C11orf65: variants seen among roughly 807,000 people sequenced by gnomAD.
C11orf65 encodes protein MFI.
In C11orf65, 38 loss-of-function variants were observed where a neutral mutation model predicts 35.3. The ratio of observed to expected loss-of-function variants is 1.08; its 90% confidence interval spans 0.83 to 1.41. The LOEUF (loss-of-function observed/expected upper bound fraction) is 1.41, where lower values mean the gene tolerates loss of function less well. Among genes scored for constraint, C11orf65 ranks in the 40% most tolerant of loss-of-function variants. The probability of loss-of-function intolerance (pLI) is 0.00; values close to 1 mark genes in which losing one functional copy is unlikely to be tolerated. For missense variants in C11orf65, 370 were observed against 367.1 expected (o/e 1.01, Z -0.06); for synonymous variants, 105 against 114.4 (o/e 0.92, Z 0.53).
At chr11:108,374,745 T>A (rs1286563444) in intron 2 of C11orf65, among the ~76,000 whole-genome samples, 1 of 151,716 alleles carries the variant, frequency 6.6e-6, no homozygotes, top group Admixed American at 6.6e-5. Flanking sequence ...TTGAAAAAAA[T>A]TTAGACAAAT....
downstream of C11orf65, chr11:108,331,285 A>G: frequency 1.4e-6 from 2 of 1,385,302 alleles, no homozygotes; most frequent in Admixed American, 3.1e-5. Flanking sequence ...AAAGACCTTC[A>G]GATAAGAAAA....
chr11:108,336,039 A>C (rs2086816036), intron 2 of C11orf65: 2 of 1,102,326 alleles, frequency 1.8e-6, no homozygotes, highest in Non-Finnish European at 2.7e-6. Context: ...GCTCATGCCC[A>C]TATTCATAAT....
At chr11:108,451,425 A>T (rs1440727874) in intron 2 of C11orf65, among the ~76,000 whole-genome samples, 2 of 152,028 alleles carry the variant, frequency 1.3e-5, no homozygotes, top group African/African-American at 4.8e-5. Flanking sequence ...AGAGAATAAA[A>T]TATCTAGGAA....
chr11:108,446,364 G>A (rs1241470777), intron 2 of C11orf65, among the ~76,000 whole-genome samples: 5 of 151,574 alleles, frequency 3.3e-5, no homozygotes, highest in Non-Finnish European at 5.9e-5. Context: ...AGGAAAAAAT[G>A]TTAAGGGCAG....
chr11:108,333,782 G>C (rs2086529066), intron 3 of C11orf65: 3 of 929,880 alleles, frequency 3.2e-6, no homozygotes, highest in Admixed American at 3.4e-5. Flanking sequence ...CTGAACCACA[G>C]ATTAGCAACA....
chr11:108,319,290 G>A (rs572956549), intron 6 of C11orf65, among the ~76,000 whole-genome samples: 1 of 152,200 alleles, frequency 6.6e-6, no homozygotes, highest in African/African-American at 2.4e-5. Flanking sequence ...GTTGATTCTT[G>A]CTTGCCTCTG....
intron 8 of C11orf65, among the ~76,000 whole-genome samples, chr11:108,385,584 A>G (rs891728598): frequency 1.3e-5 from 2 of 152,030 alleles, no homozygotes; most frequent in African/African-American, 4.8e-5. Context: ...TGGGAGGCTC[A>G]GGCAGGAGAA....
chr11:108,337,810 T>C (rs891540806), intron 2 of C11orf65, among the ~76,000 whole-genome samples: 2 of 152,200 alleles, frequency 1.3e-5, no homozygotes, highest in African/African-American at 2.4e-5. Flanking sequence ...ACAAAGATAA[T>C]AGGTGAAGAA....
At chr11:108,462,851 G>A (rs772161371) in intron 1 of C11orf65, among the ~76,000 whole-genome samples, 3 of 152,204 alleles carry the variant, frequency 2.0e-5, no homozygotes, top group Admixed American at 1.3e-4. Flanking sequence ...TGAATATAGT[G>A]ACTCATGCCT....
chr11:108,358,070 C>G (rs1224712661), intron 2 of C11orf65, among the ~76,000 whole-genome samples: 1 of 148,434 alleles, frequency 6.7e-6, no homozygotes, highest in Non-Finnish European at 1.5e-5. Context: ...GAATGTATAA[C>G]TAGAATAACC....
chr11:108,365,305 C>CT lies in C11orf65; in HGVS notation c.226+27902dup, dbSNP rs2137900748. The CT allele has an allele frequency of 6.2e-7, 1 of 1,614,134 alleles. No homozygotes were observed. Among genetic ancestry groups the CT allele is most frequent in the Non-Finnish European group, 8.5e-7 (1 of 1,180,012 alleles). ...TTTAAACTGTTCACCTCACTGAAAC[C>CT]TTTGTGTTTTTGTCCTTAGTGATAT... On this transcript the variant is annotated intron_variant, in intron 2 of 3. Transcript: ENST00000524755.
At chr11:108,450,860 A>T (rs1446149924) in intron 2 of C11orf65, among the ~76,000 whole-genome samples, 2 of 152,006 alleles carry the variant, frequency 1.3e-5, no homozygotes, top group African/African-American at 2.4e-5. Context: ...AACGTACACA[A>T]ATCAATAAAT....
intron 2 of C11orf65, among the ~76,000 whole-genome samples, chr11:108,450,769 T>C: frequency 6.6e-6 from 1 of 151,566 alleles, no homozygotes; most frequent in South Asian, 2.1e-4. Flanking sequence ...AAACTTAAAG[T>C]ATAATAATAA....
At chr11:108,380,010 A>C (rs2091835404), downstream of C11orf65, among the ~76,000 whole-genome samples, 1 of 152,226 alleles carries the variant, frequency 6.6e-6, no homozygotes, top group South Asian at 2.1e-4. Context: ...TTTGAAAAGC[A>C]CAAGTAAGTT....
intron 3 of C11orf65, among the ~76,000 whole-genome samples, chr11:108,410,881 T>C (rs897802478): frequency 2.0e-5 from 3 of 151,814 alleles, no homozygotes; most frequent in African/African-American, 7.3e-5. Context: ...GCTAATTTTT[T>C]CATATTTTTA....
intron 2 of C11orf65, among the ~76,000 whole-genome samples, chr11:108,375,078 G>A (rs887759237): frequency 1.3e-5 from 2 of 152,206 alleles, no homozygotes; most frequent in African/African-American, 4.8e-5. Context: ...ATATTATCCA[G>A]GAGAACTTCC....
intron 6 of C11orf65, chr11:108,317,644 TATATATATACACAC>T (rs1201643721): frequency 2.1e-4 from 33 of 153,560 alleles, no homozygotes; most frequent in Middle Eastern, 2.7e-3. Context: ...TATATATATA[TATATATATACACAC>T]ACACACACAC....
intron 2 of C11orf65, among the ~76,000 whole-genome samples, chr11:108,363,554 A>AG (rs747136507): frequency 1.3e-5 from 2 of 152,240 alleles, no homozygotes; most frequent in Non-Finnish European, 2.9e-5. Flanking sequence ...ATGGGAGATG[A>AG]GGATAGTATT....
At chr11:108,452,846 C>T (rs140644572) in intron 2 of C11orf65, among the ~76,000 whole-genome samples, 30,600 of 151,646 alleles carry the variant, frequency 0.2, 3,779 homozygotes, top group African/African-American at 0.33. Context: ...TCATGTCCTT[C>T]GTAGGGACAT....
Sources: gnomAD v4.1 joint callset for allele counts (sites outside exome capture counted in the v4.1 genomes callset) on GRCh38, gnomAD v4.1.1 for gene constraint, MANE v1.5 for transcripts, NCBI Gene and HGNC (gene_info 2026-07-23, HGNC 2026-07-21) for gene names.